Variants in IL4R observed in about 807,000 individuals in gnomAD.
IL4R encodes interleukin 4 receptor.
Under a neutral mutation model 41.5 loss-of-function variants are expected in IL4R, and 17 were observed. The ratio of observed to expected loss-of-function variants is 0.41; its 90% confidence interval spans 0.28 to 0.61. The LOEUF (loss-of-function observed/expected upper bound fraction) is 0.61. Among genes scored for constraint, IL4R ranks in the 20% least tolerant of loss-of-function variants. The pLI is 0.31. For missense variants in IL4R, 974 were observed against 1,043.1 expected, an observed-to-expected ratio of 0.93 and a Z score of 0.91; for synonymous variants, 402 against 422.9, an observed-to-expected ratio of 0.95 and a Z score of 0.61.
chr16:27,320,545 C>T (rs559984717), intron 1 of IL4R, among the ~76,000 whole-genome samples: 2 of 152,272 alleles, frequency 1.3e-5, no homozygotes, highest in African/African-American at 4.8e-5. Flanking sequence ...TCCTAAGTGG[C>T]AGAGTCCAGA....
At chr16:27,316,339 T>G (rs2141043226) in intron 1 of IL4R, among the ~76,000 whole-genome samples, 1 of 152,288 alleles carries the variant, frequency 6.6e-6, no homozygotes, top group East Asian at 1.9e-4. Flanking sequence ...CACTGCACTG[T>G]AGCCTGGGTG....
chr16:27,356,963 T>C (rs1330234577), intron 8 of IL4R, among the ~76,000 whole-genome samples: 1 of 152,088 alleles, frequency 6.6e-6, no homozygotes, highest in Admixed American at 6.5e-5. Flanking sequence ...TGCCAGCCCT[T>C]GGAATCATGG....
intron 9 of IL4R, among the ~76,000 whole-genome samples, chr16:27,359,411 G>A (rs762419943): frequency 3.3e-5 from 5 of 152,104 alleles, no homozygotes; most frequent in African/African-American, 1.2e-4. Context: ...AATCCCTTCC[G>A]GGTTCTCATT....
At position 27,355,884 on chromosome 16, in the gene IL4R, G is replaced by A; in HGVS notation, c.747G>A (p.Leu249=). The A allele has an allele frequency of 6.2e-7, 1 of 1,613,300 alleles. No homozygotes were observed. Among genetic ancestry groups the A allele is most frequent in the Non-Finnish European group, 8.5e-7 (1 of 1,179,736 alleles). The change falls in exon 8 of 11, where the codon CTG becomes CTA. Residue 249 remains leucine (L), a synonymous_variant. Transcript: ENST00000395762. ...GCATTGTCATCCTGGCCGTCTGCCTGTTGTGCTATGTCAGCATCACCAAGT... is the reference window on the plus strand; with the variant it reads ...GCATTGTCATCCTGGCCGTCTGCCTATTGTGCTATGTCAGCATCACCAAGT... ...VSCIVILAVC[L]LCYVSITKIK...
At chr16:27,324,223 C>T (rs951633237) in intron 1 of IL4R, among the ~76,000 whole-genome samples, 5 of 152,324 alleles carry the variant, frequency 3.3e-5, no homozygotes, top group African/African-American at 7.2e-5. Context: ...GTCCGCTGCT[C>T]AGGACAGTGA....
Position 27,346,444 on chromosome 16 carries a change from C to G in IL4R, c.362-23C>G, listed in dbSNP as rs1476361818. On this transcript the variant is annotated intron_variant, in intron 5 of 10. Transcript: ENST00000395762. The stretch of plus-strand genomic sequence containing the variant: ...GGGGGAGTCACTGCATAGATCCTCA[C>G]ATAGAGGCCGCTTCTCCCGCAGTGA... The G allele has an allele frequency of 3.7e-6, 6 of 1,613,742 alleles. No homozygotes were observed. In the East Asian group the frequency reaches 1.3e-4, roughly 36 times the overall value.
intron 2 of IL4R, chr16:27,334,422 G>A (rs1169977067): frequency 6.6e-6 from 1 of 152,162 alleles, no homozygotes; most frequent in Non-Finnish European, 1.5e-5. Context: ...GCATGCGTAA[G>A]TCTGGGCGTG....
At chr16:27,346,050 C>A (rs1007656039) in intron 5 of IL4R, among the ~76,000 whole-genome samples, 6 of 151,752 alleles carry the variant, frequency 4.0e-5, no homozygotes, top group African/African-American at 1.2e-4. Flanking sequence ...TACACTTTGC[C>A]TTCACTGTAG....
At position 27,360,911 on chromosome 16, in the gene IL4R, T is replaced by C. The variant is rs769588082; in HGVS notation, c.899+96T>C. 3.7e-6 allele frequency: 6 copies of C among 1,608,994 alleles called. No individual in the cohort carries two copies. The South Asian group carries it at 6.6e-5, about 18-fold the overall frequency. On this transcript the variant is annotated intron_variant, in intron 10 of 10. Coordinates refer to ENST00000395762, the MANE Select transcript of IL4R (RefSeq NM_000418.4). Reference sequence around the variant, plus strand: ...AGCTCCATGTCTGCCTTCTCTTCCCTGCATTCGGTAATTGCCCTGTGACAT... The same window carrying C: ...AGCTCCATGTCTGCCTTCTCTTCCCCGCATTCGGTAATTGCCCTGTGACAT...
At chr16:27,317,829 T>C (rs1223170952) in intron 1 of IL4R, among the ~76,000 whole-genome samples, 1 of 152,236 alleles carries the variant, frequency 6.6e-6, no homozygotes, top group African/African-American at 2.4e-5. Context: ...AGATAGTTTG[T>C]ATAGACATTT....
At chr16:27,353,213 C>A (rs2085940451) in intron 7 of IL4R, among the ~76,000 whole-genome samples, 1 of 152,164 alleles carries the variant, frequency 6.6e-6, no homozygotes, top group Admixed American at 6.6e-5. Context: ...GTCCCAGGTA[C>A]TGGGAAGGCT....
intron 1 of IL4R, among the ~76,000 whole-genome samples, chr16:27,315,180 T>C (rs765271516): frequency 6.6e-6 from 1 of 152,216 alleles, no homozygotes; most frequent in African/African-American, 2.4e-5. Context: ...AGGCATTTGC[T>C]GGGACCTCAG....
Position 27,363,157 on chromosome 16 carries a change from G to A in IL4R, c.1805G>A (p.Gly602Asp), listed in dbSNP as rs1352232468. The A allele has an allele frequency of 1.2e-6, 2 of 1,613,052 alleles. No homozygotes were observed. Among genetic ancestry groups the A allele is most frequent in the Admixed American group, 1.7e-5 (1 of 59,948 alleles). ...GGCTTGGGTCCCCCAGGAGAGGCTG[G>A]TTACAAGGCCTTCTCAAGCCTGCTT... ...VVGLGPPGEA[G>D]YKAFSSLLAS... Residue 602 changes from glycine (G) to aspartate (D), a missense_variant, in exon 11 of 11, where the codon GGT (glycine) becomes GAT (aspartate). By Grantham distance (94) the Gly-to-Asp change is moderately conservative. Coordinates refer to ENST00000395762, the MANE Select transcript of IL4R (RefSeq NM_000418.4).
chr16:27,352,354 C>T (rs897634809), intron 6 of IL4R, among the ~76,000 whole-genome samples, 186 bp from the exon 7 acceptor site: 3 of 152,184 alleles, frequency 2.0e-5, no homozygotes, highest in Middle Eastern at 3.2e-3. Flanking sequence ...AGGAGCCTGA[C>T]GCATGTTGCT....
intron 9 of IL4R, among the ~76,000 whole-genome samples, chr16:27,359,258 C>A (rs190715928): frequency 9.3e-4 from 141 of 152,292 alleles, no homozygotes; most frequent in African/African-American, 3.3e-3. Flanking sequence ...GGGAGAATGA[C>A]CCTTGGGTCA....
At position 27,364,609 on chromosome 16, in the gene IL4R, A is replaced by G. The variant is rs2086436818; in HGVS notation, c.*779A>G. ...ATCCAGACAGCAGGCATAAGGCACC[A>G]GTTACCCTGCATGTTGGCCCAGACC... On this transcript the variant is annotated 3_prime_UTR_variant, in exon 11 of 11. Coordinates refer to ENST00000395762, the MANE Select transcript of IL4R (RefSeq NM_000418.4). 1 of 152,340 alleles carries G rather than the reference A, an allele frequency of 6.6e-6. No homozygotes were observed. Among genetic ancestry groups the G allele is most frequent in the South Asian group, 2.1e-4 (1 of 4,824 alleles). The allele number at this position is 152,340 out of a possible 1,614,324, so 9.4% of individuals were successfully genotyped here. A position where few individuals can be genotyped will look rare whatever the true frequency, so the allele number is the denominator to read the frequency against.
At chr16:27,317,568 G>C (rs997659959) in intron 1 of IL4R, among the ~76,000 whole-genome samples, 8 of 152,124 alleles carry the variant, frequency 5.3e-5, no homozygotes, top group African/African-American at 1.9e-4. Flanking sequence ...GCAGAGGCTT[G>C]AGGTGCTACA....
chr16:27,341,733 C>T (rs922962500), intron 3 of IL4R, among the ~76,000 whole-genome samples: 2 of 152,162 alleles, frequency 1.3e-5, no homozygotes, highest in African/African-American at 4.8e-5. Context: ...AAGAGGGGCG[C>T]AGATAGTGGG....
At chr16:27,348,720 G>A (rs3024586) in intron 6 of IL4R, among the ~76,000 whole-genome samples, 4,212 of 152,312 alleles carry the variant, frequency 0.028, 64 homozygotes, top group Non-Finnish European at 0.044. Flanking sequence ...TGGAGAGAGG[G>A]TGCTGGTGGA....
Sources: gnomAD v4.1 joint callset for allele counts (sites outside exome capture counted in the v4.1 genomes callset) on GRCh38, gnomAD v4.1.1 for gene constraint, MANE v1.5 for transcripts, NCBI Gene and HGNC (gene_info 2026-07-23, HGNC 2026-07-21) for gene names.